Variants in KANK1 observed in about 807,000 individuals in gnomAD.
KANK1 encodes KN motif and ankyrin repeat domains 1, also known as KN motif and ankyrin repeat domain-containing protein 1.
A neutral mutation model predicts 106.2 loss-of-function variants in KANK1; 109 were observed. That is an observed-to-expected ratio of 1.03 (90% CI 0.88 to 1.20). KANK1 has a LOEUF of 1.20. Ranked by LOEUF, KANK1 falls within the 50% of genes most tolerant of loss-of-function variation. The pLI is 0.00. For missense variants in KANK1, 2,399 were observed against 1,710.7 expected, an observed-to-expected ratio of 1.40 and a Z score of -7.10; for synonymous variants, 873 against 652.2, an observed-to-expected ratio of 1.34 and a Z score of -5.16.
intron 1 of KANK1, among the ~76,000 whole-genome samples, chr9:569,525 C>G (rs550681174): frequency 6.6e-6 from 1 of 152,160 alleles, no homozygotes; most frequent in Non-Finnish European, 1.5e-5. Context: ...TCCCCACCAG[C>G]AAGAAGGCCC....
upstream of KANK1, among the ~76,000 whole-genome samples, chr9:504,216 G>T (rs568688445): frequency 6.6e-6 from 1 of 152,166 alleles, no homozygotes; most frequent in Non-Finnish European, 1.5e-5. Context: ...ACCGTCTCAC[G>T]GGGGCTGGAT....
intron 9 of KANK1, among the ~76,000 whole-genome samples, chr9:741,518 C>T (rs1835510788): frequency 7.2e-6 from 1 of 139,244 alleles, no homozygotes; most frequent in African/African-American, 2.7e-5. Flanking sequence ...GACTAAGTCT[C>T]ATTCTGTCAC....
At chr9:627,116 C>T (rs1253318579) in intron 1 of KANK1, among the ~76,000 whole-genome samples, 1 of 152,180 alleles carries the variant, frequency 6.6e-6, no homozygotes, top group Non-Finnish European at 1.5e-5. Flanking sequence ...TCCTTAAATA[C>T]TGCCATCCTG....
chr9:562,042 C>T (rs371647009), intron 1 of KANK1, among the ~76,000 whole-genome samples: 187 of 104,846 alleles, frequency 1.8e-3, no homozygotes, highest in Non-Finnish European at 2.3e-3. Flanking sequence ...ATTGCATTTT[C>T]TTTTTTTTTT....
intron 3 of KANK1, among the ~76,000 whole-genome samples, chr9:494,306 T>C (rs2058425304): frequency 6.6e-6 from 1 of 152,254 alleles, no homozygotes; most frequent in Admixed American, 6.5e-5. Flanking sequence ...TCATTTTTTA[T>C]ATAATTGTTA....
chr9:495,740 C>G (rs1231342456), intron 3 of KANK1: 1 of 152,214 alleles, frequency 6.6e-6, no homozygotes, highest in Non-Finnish European at 1.5e-5. Flanking sequence ...CACCCCAGCC[C>G]CATTCAGCTT....
intron 1 of KANK1, among the ~76,000 whole-genome samples, chr9:550,236 G>C (rs1447421585): frequency 3.3e-5 from 5 of 151,610 alleles, no homozygotes; most frequent in Non-Finnish European, 7.4e-5. Context: ...GTAATTTTAA[G>C]TATTGTTTTG....
At chr9:702,495 T>G (rs1403866685) in intron 2 of KANK1, among the ~76,000 whole-genome samples, 1 of 152,066 alleles carries the variant, frequency 6.6e-6, no homozygotes, top group Non-Finnish European at 1.5e-5. Context: ...CATAGAAAAC[T>G]AGAGAGATAG....
intron 1 of KANK1, among the ~76,000 whole-genome samples, chr9:653,300 G>T (rs942234675): frequency 3.9e-5 from 6 of 152,020 alleles, no homozygotes; most frequent in Non-Finnish European, 7.4e-5. Flanking sequence ...CGGTTCCCAG[G>T]CTCGTGGTCT....
chr9:644,011 T>G (rs1839107573), intron 1 of KANK1, among the ~76,000 whole-genome samples: 1 of 151,004 alleles, frequency 6.6e-6, no homozygotes, highest in Non-Finnish European at 1.5e-5. Flanking sequence ...CCTTGATTTG[T>G]TTTTGCATGT....
intron 1 of KANK1, among the ~76,000 whole-genome samples, chr9:653,275 C>G (rs917589824): frequency 2.6e-5 from 4 of 152,086 alleles, no homozygotes; most frequent in African/African-American, 9.7e-5. Flanking sequence ...TCGAGGCCAA[C>G]TGGAAATGAA....
In KANK1 at chr9:686,408, G is replaced by A. The variant is rs149380898; in HGVS notation, c.37+9399G>A. On this transcript the variant is annotated intron_variant, in intron 2 of 11. Transcript: ENST00000382297. ...GGCAGAGGAGGCAGAAGTACCTGCT[G>A]AGCTTATGCAGCATGTACCCCAACC... Among the ~76,000 whole-genome samples the A allele has an allele frequency of 3.9e-4, 60 of 152,262 alleles. No individual in the cohort carries two copies. The East Asian group carries it at 0.011, about 28-fold the overall frequency.
At chr9:616,797 G>A (rs1199341317) in intron 1 of KANK1, among the ~76,000 whole-genome samples, 1 of 152,314 alleles carries the variant, frequency 6.6e-6, no homozygotes, top group Non-Finnish European at 1.5e-5. Flanking sequence ...TGTCGCTGCT[G>A]TTCTTTATAG....
intron 1 of KANK1, among the ~76,000 whole-genome samples, chr9:596,085 A>G (rs1489298670): frequency 1.3e-5 from 2 of 151,922 alleles, no homozygotes; most frequent in South Asian, 4.1e-4. Flanking sequence ...AACTTTATAC[A>G]ATATTTTTAA....
rs184242017 is a variant in KANK1, at chr9:609,898, C to G, written c.-83-66992C>G. On this transcript the variant is annotated intron_variant, in intron 1 of 11. Coordinates refer to ENST00000382297, the MANE Select transcript of KANK1 (RefSeq NM_015158.5). Reference sequence around the variant, plus strand: ...AAATTACGTAGAATTGTACCACTCTCACATAGAAATGTTTTTATCTTTCTT... The same window carrying G: ...AAATTACGTAGAATTGTACCACTCTGACATAGAAATGTTTTTATCTTTCTT... Among the ~76,000 whole-genome samples, 11 of 152,196 alleles carry G rather than the reference C, an allele frequency of 7.2e-5. No homozygotes were observed. The East Asian group carries it at 1.4e-3, about 19-fold the overall frequency.
rs752737303 is a variant in KANK1 at position 738,290 on chromosome 9, C to G, written c.3339C>G (p.Phe1113Leu). 3.1e-6 allele frequency: 5 copies of G among 1,611,332 alleles called. No homozygotes were observed. The highest frequency in any genetic ancestry group is 1.1e-5 in the South Asian group (1 of 90,306). The change falls in exon 8 of 12, where the codon TTC (phenylalanine) becomes TTG (leucine). Residue 1113 changes from phenylalanine (F) to leucine (L), a missense_variant. Physicochemically the swap from Phe to Leu is conservative, Grantham distance 22. Coordinates refer to ENST00000382297, the MANE Select transcript of KANK1 (RefSeq NM_015158.5). The part of the protein sequence containing the change: ...PKALTSKDMR[F>L]CLNTLQHEWF... ...ACCACTTGGTGTTTTGGCAGAGGTT[C>G]TGTCTGAACACCCTCCAGCACGAGT... is the stretch of plus-strand genomic sequence containing the variant.
At chr9:601,737 T>C (rs1827797944) in intron 1 of KANK1, among the ~76,000 whole-genome samples, 1 of 151,910 alleles carries the variant, frequency 6.6e-6, no homozygotes, top group Non-Finnish European at 1.5e-5. Context: ...CTGACTCTGA[T>C]GTCCTTTTGA....
intron 2 of KANK1, among the ~76,000 whole-genome samples, chr9:688,257 C>T (rs16922573): frequency 0.011 from 1,711 of 152,272 alleles, 27 homozygotes; most frequent in African/African-American, 0.038. Flanking sequence ...TGCCTCCTCT[C>T]GTGAAAGTTG....
At chr9:710,124 G>A (rs1186602133) in intron 2 of KANK1, among the ~76,000 whole-genome samples, 1 of 152,146 alleles carries the variant, frequency 6.6e-6, no homozygotes, top group Non-Finnish European at 1.5e-5. Context: ...TTTGGGTGAT[G>A]TGTACACTAG....
Sources: gnomAD v4.1 joint callset for allele counts (sites outside exome capture counted in the v4.1 genomes callset) on GRCh38, gnomAD v4.1.1 for gene constraint, MANE v1.5 for transcripts, NCBI Gene and HGNC (gene_info 2026-07-23, HGNC 2026-07-21) for gene names.